FAM161A: variants seen among roughly 807,000 people sequenced by gnomAD.
The protein encoded by FAM161A is protein FAM161A.
Under a neutral mutation model 70.9 loss-of-function variants are expected in FAM161A, and 57 were observed. That is an observed-to-expected ratio of 0.80 (90% CI 0.65 to 1.00). The LOEUF is 1.00. FAM161A is among the 50% of genes least tolerant of loss of function. The pLI is 0.00. For synonymous variants in FAM161A, 299 were observed against 295.7 expected (o/e 1.01, Z -0.12); for missense variants, 880 against 836.0 (o/e 1.05, Z -0.65).
the FAM161A span, among the ~76,000 whole-genome samples, chr2:61,815,725 A>G: frequency 5.9e-5 from 9 of 151,440 alleles, no homozygotes; most frequent in African/African-American, 2.2e-4. Context: ...TAGTTTTTGT[A>G]TTTTTAGTAG....
chr2:61,808,976 G>A, the FAM161A span, among the ~76,000 whole-genome samples: 3 of 151,982 alleles, frequency 2.0e-5, no homozygotes, highest in South Asian at 4.2e-4. Flanking sequence ...AGGTTCAAGC[G>A]ACTGTCCTGC....
intron 1 of FAM161A, among the ~76,000 whole-genome samples, chr2:61,842,953 T>C (rs1558487253): frequency 6.6e-6 from 1 of 151,350 alleles, no homozygotes; most frequent in Non-Finnish European, 1.5e-5. Flanking sequence ...TGGGAGGGGG[T>C]AGGAGGGACT....
intron 1 of FAM161A, 132 bp downstream of exon 1, chr2:61,853,727 C>G (rs1673577330): frequency 1.1e-6 from 1 of 932,316 alleles, no homozygotes; most frequent in Non-Finnish European, 1.6e-6. Flanking sequence ...TGGGCCAGGA[C>G]CACCAAGTAG....
At chr2:61,842,016 T>C in intron 2 of FAM161A, 106 bp downstream of exon 2, 1 of 790,502 alleles carries the variant, frequency 1.3e-6, no homozygotes, top group Non-Finnish European at 2.2e-6. Flanking sequence ...TCGTTGGGAG[T>C]ACAAAGGGCT....
chr2:61,831,641 C>T (rs2105066572), intron 5 of FAM161A, among the ~76,000 whole-genome samples: 1 of 152,198 alleles, frequency 6.6e-6, no homozygotes, highest in Non-Finnish European at 1.5e-5. Flanking sequence ...ATCCTGGTTC[C>T]CCTTCTTCTG....
intron 3 of FAM161A, 149 bp from the exon 4 acceptor site, chr2:61,838,854 ATATTTATTTATT>A (rs10645430): frequency 3.6e-4 from 55 of 151,160 alleles, no homozygotes; most frequent in African/African-American, 1.1e-3. Context: ...AAAACTAGAA[ATATTTATTTATT>A]TATTTATTTA....
At chr2:61,805,376 C>T in the FAM161A span, among the ~76,000 whole-genome samples, 76 of 152,080 alleles carry the variant, frequency 5.0e-4, no homozygotes, top group African/African-American at 1.7e-3. Flanking sequence ...TTTAGCCGGG[C>T]TTGGTGGCGG....
chr2:61,836,581 A>G (rs1024156555), intron 4 of FAM161A: 1 of 157,116 alleles, frequency 6.4e-6, no homozygotes, highest in Admixed American at 6.4e-5. Context: ...GTTGTTATTT[A>G]CTTTTGTTTT....
chr2:61,822,885 C>T (rs192525699), downstream of FAM161A, among the ~76,000 whole-genome samples: 24 of 152,048 alleles, frequency 1.6e-4, no homozygotes, highest in South Asian at 1.4e-3. Context: ...CCGCTGCACC[C>T]GGCCTGAAGT....
chr2:61,826,645 T>C (rs989602235), intron 6 of FAM161A, 46 bp from the exon 7 acceptor site: 1 of 1,554,528 alleles, frequency 6.4e-7, no homozygotes, highest in Non-Finnish European at 8.8e-7. Flanking sequence ...AATGAGTTGG[T>C]TTAAAGGTAA....
At chr2:61,819,417 C>T in the FAM161A span, among the ~76,000 whole-genome samples, 8 of 152,264 alleles carry the variant, frequency 5.3e-5, no homozygotes, top group Admixed American at 5.2e-4. Context: ...GAGCCATGAT[C>T]CCGCTGCTAC....
the FAM161A span, among the ~76,000 whole-genome samples, chr2:61,807,257 A>T: frequency 6.6e-6 from 1 of 152,036 alleles, no homozygotes; most frequent in Non-Finnish European, 1.5e-5. Context: ...AGTTCTTGAA[A>T]TGAAACTCTG....
In FAM161A at chr2:61,825,398, A is replaced by T. The variant is rs771692200; in HGVS notation, c.*1057T>A. ...ATTATGCACAATTTCATCATATAAAAAAAGGGATACTTGCCCCTAATTTAG... is the reference window on the plus strand; with the variant it reads ...ATTATGCACAATTTCATCATATAAATAAAGGGATACTTGCCCCTAATTTAG... On this transcript the variant is annotated 3_prime_UTR_variant, in exon 7 of 7. Coordinates refer to ENST00000404929, the MANE Select transcript of FAM161A (RefSeq NM_001201543.2). The T allele has an allele frequency of 2.2e-6, 1 of 454,248 alleles. No individual in the cohort carries two copies. The highest frequency in any genetic ancestry group is 6.9e-5 in the East Asian group (1 of 14,540). 28.1% of individuals were successfully genotyped at this position (454,248 alleles called of 1,614,324 possible). A position where few individuals can be genotyped will look rare whatever the true frequency, so the allele number is the denominator to read the frequency against.
In FAM161A at chr2:61,842,452, C is replaced by T. The variant is rs1450294405; in HGVS notation, c.184-92G>A. ...CCAAAATGCTGCTTCTTAAAGAGTC[C>T]ACCTAGTTAGGTTATACATTAATTA... On this transcript the variant is annotated intron_variant, in intron 1 of 6. Transcript: ENST00000404929. 5 of 750,706 alleles carry T rather than the reference C, an allele frequency of 6.7e-6. No individual in the cohort carries two copies. In the African/African-American group the frequency reaches 7.0e-5, roughly 11 times the overall value. 46.5% of individuals were successfully genotyped at this position (750,706 alleles called of 1,614,324 possible).
At chr2:61,804,819 A>AAAGG in the FAM161A span, among the ~76,000 whole-genome samples, 1 of 114,240 alleles carries the variant, frequency 8.8e-6, no homozygotes, top group South Asian at 3.4e-4. Context: ...AGAAAGAAAG[A>AAAGG]GAAAGAGAAA....
the FAM161A span, among the ~76,000 whole-genome samples, chr2:61,817,585 A>G: frequency 6.6e-6 from 1 of 152,212 alleles, no homozygotes; most frequent in Non-Finnish European, 1.5e-5. Context: ...CATGACAGAC[A>G]TTCAAGCCCA....
At chr2:61,815,669 G>C in the FAM161A span, among the ~76,000 whole-genome samples, 5 of 145,854 alleles carry the variant, frequency 3.4e-5, no homozygotes, top group Non-Finnish European at 7.4e-5. Context: ...TCCTGCCTCA[G>C]CTTCCCAAAT....
chr2:61,841,938 C>T (rs1259471126), intron 2 of FAM161A, among the ~76,000 whole-genome samples, 184 bp downstream of exon 2: 1 of 152,194 alleles, frequency 6.6e-6, no homozygotes, highest in African/African-American at 2.4e-5. Flanking sequence ...AAATGACCCT[C>T]AAGCAAACGG....
At chr2:61,800,518 A>G in the FAM161A span, among the ~76,000 whole-genome samples, 2 of 152,160 alleles carry the variant, frequency 1.3e-5, no homozygotes, top group East Asian at 1.9e-4. Flanking sequence ...ACCATCAAGC[A>G]TCGTGTCCAT....
Sources: gnomAD v4.1 joint callset for allele counts (sites outside exome capture counted in the v4.1 genomes callset) on GRCh38, gnomAD v4.1.1 for gene constraint, MANE v1.5 for transcripts, NCBI Gene and HGNC (gene_info 2026-07-23, HGNC 2026-07-21) for gene names.